The following ULK4 variants were observed in gnomAD, a reference collection of about 807,000 sequenced individuals.
The protein encoded by ULK4 is inactive serine/threonine-protein kinase ULK4.
Under a neutral mutation model 160.6 loss-of-function variants are expected in ULK4, and 133 were observed. That is an observed-to-expected ratio of 0.83 (90% CI 0.72 to 0.96). The LOEUF is 0.96. Among genes scored for constraint, ULK4 ranks in the 40% least tolerant of loss-of-function variants. The probability of loss-of-function intolerance (pLI) is 0.00; values close to 1 mark genes in which losing one functional copy is unlikely to be tolerated. For synonymous variants in ULK4, 534 were observed against 539.8 expected, an observed-to-expected ratio of 0.99 and a Z score of 0.15; for missense variants, 1,580 against 1,499.5, an observed-to-expected ratio of 1.05 and a Z score of -0.89.
intron 30 of ULK4, among the ~76,000 whole-genome samples, chr3:41,647,601 C>G (rs1416031161): frequency 6.6e-6 from 1 of 152,196 alleles, no homozygotes; most frequent in Non-Finnish European, 1.5e-5. Flanking sequence ...CAGTCTGCCC[C>G]TACTCGGGGG....
At chr3:41,704,467 G>C (rs1213743383) in intron 27 of ULK4, among the ~76,000 whole-genome samples, 2 of 152,112 alleles carry the variant, frequency 1.3e-5, no homozygotes, top group Non-Finnish European at 2.9e-5. Flanking sequence ...CCTCTTCTGG[G>C]GACCTTTCTG....
chr3:41,677,762 TA>T lies in ULK4; in HGVS notation c.2978+3745del, dbSNP rs372924448. ...TGATAGACGTTGTGATGGTTAACTT[TA>T]TTTATCAAGTTACTCAATAAGTAGG... On this transcript the variant is annotated intron_variant, in intron 29 of 36. Coordinates refer to ENST00000301831, the MANE Select transcript of ULK4 (RefSeq NM_017886.4). 2.9e-3 allele frequency among the ~76,000 whole-genome samples: 449 copies of T among 152,286 alleles called. 2 individuals carry two copies. The highest frequency in any genetic ancestry group is 0.01 in the African/African-American group (428 of 41,558).
chr3:41,640,316 C>T (rs773961677), intron 30 of ULK4, among the ~76,000 whole-genome samples: 2 of 152,150 alleles, frequency 1.3e-5, no homozygotes, highest in Non-Finnish European at 2.9e-5. Context: ...AATTGAGAAG[C>T]CTGCCACTGC....
Position 41,718,203 on chromosome 3 carries a change from G to A in ULK4, c.2322-342C>T, listed in dbSNP as rs145379646. Among the ~76,000 whole-genome samples the A allele has an allele frequency of 2.0e-5, 3 of 152,264 alleles. No individual in the cohort carries two copies. The East Asian group carries it at 5.8e-4, about 29-fold the overall frequency. ...TCAAAGGTTCAAAGTAAAGCCACAA[G>A]TTAACTGCATATTTGTTTATCATTA... On this transcript the variant is annotated intron_variant, in intron 22 of 36. Coordinates refer to ENST00000301831, the MANE Select transcript of ULK4 (RefSeq NM_017886.4).
intron 35 of ULK4, among the ~76,000 whole-genome samples, chr3:41,328,792 C>A (rs2080386113): frequency 6.6e-6 from 1 of 152,098 alleles, no homozygotes; most frequent in Non-Finnish European, 1.5e-5. Context: ...GGAGAGAAAG[C>A]CCCACGGAGT....
chr3:41,817,759 A>G (rs1288408364), intron 19 of ULK4, among the ~76,000 whole-genome samples: 1 of 152,156 alleles, frequency 6.6e-6, no homozygotes, highest in African/African-American at 2.4e-5. Context: ...TACCCCCTAA[A>G]TCTAAAATAA....
At chr3:41,630,536 G>A (rs1168278346) in intron 30 of ULK4, among the ~76,000 whole-genome samples, 3 of 152,010 alleles carry the variant, frequency 2.0e-5, no homozygotes, top group Non-Finnish European at 4.4e-5. Context: ...CATTTAAAGG[G>A]CTCTTACGAT....
chr3:41,350,931 T>A (rs761376793), intron 35 of ULK4, among the ~76,000 whole-genome samples: 1 of 152,182 alleles, frequency 6.6e-6, no homozygotes, highest in Non-Finnish European at 1.5e-5. Context: ...AAGTAAAGGA[T>A]GTCTCAGAAG....
chr3:41,679,995 C>T (rs1002487341), intron 29 of ULK4, among the ~76,000 whole-genome samples: 10 of 151,876 alleles, frequency 6.6e-5, no homozygotes, highest in Non-Finnish European at 1.2e-4. Flanking sequence ...ACTACAGGCA[C>T]GAGCCACTGA....
intron 2 of ULK4, among the ~76,000 whole-genome samples, chr3:41,949,653 G>A (rs1280122709): frequency 6.7e-6 from 1 of 149,924 alleles, no homozygotes; most frequent in Non-Finnish European, 1.5e-5. Context: ...GGCTGGTCTC[G>A]AACTCCTGAC....
At chr3:41,521,347 T>C (rs1380729285) in intron 32 of ULK4, among the ~76,000 whole-genome samples, 1 of 152,192 alleles carries the variant, frequency 6.6e-6, no homozygotes, top group Non-Finnish European at 1.5e-5. Flanking sequence ...TCATATATGG[T>C]CTCAGGCCTT....
intron 32 of ULK4, among the ~76,000 whole-genome samples, chr3:41,490,265 G>A (rs1251594849): frequency 6.6e-6 from 1 of 152,090 alleles, no homozygotes; most frequent in African/African-American, 2.4e-5. Context: ...ACTGATAAGG[G>A]AGCCTGAGCA....
chr3:41,818,919 C>T (rs2041053656), intron 19 of ULK4, among the ~76,000 whole-genome samples: 1 of 152,216 alleles, frequency 6.6e-6, no homozygotes, highest in Non-Finnish European at 1.5e-5. Context: ...CAGCCATTAA[C>T]AATTGCTTAA....
chr3:41,933,777 T>C (rs1481970647), intron 4 of ULK4, among the ~76,000 whole-genome samples: 1 of 151,928 alleles, frequency 6.6e-6, no homozygotes, highest in Non-Finnish European at 1.5e-5. Flanking sequence ...TAGCCAGGCA[T>C]GGTGGCTCAC....
At chr3:41,850,703 T>A (rs140678309) in intron 17 of ULK4, among the ~76,000 whole-genome samples, 20,101 of 152,176 alleles carry the variant, frequency 0.13, 4,333 homozygotes, top group African/African-American at 0.45. Flanking sequence ...AGATTCTGGA[T>A]ATTAGTCCTT....
chr3:41,777,505 T>C (rs2039671105), intron 21 of ULK4, among the ~76,000 whole-genome samples: 1 of 53,284 alleles, frequency 1.9e-5, no homozygotes, highest in African/African-American at 1.2e-4. Context: ...GTTCTTTTAA[T>C]TGTGATGTTA....
chr3:41,322,917 T>C (rs1490973120), intron 35 of ULK4, among the ~76,000 whole-genome samples: 1 of 152,056 alleles, frequency 6.6e-6, no homozygotes, highest in Non-Finnish European at 1.5e-5. Flanking sequence ...CACAAGTATA[T>C]ATAATAGCCG....
At chr3:41,783,495 C>G (rs1472220877) in intron 21 of ULK4, among the ~76,000 whole-genome samples, 1 of 151,390 alleles carries the variant, frequency 6.6e-6, no homozygotes, top group African/African-American at 2.4e-5. Flanking sequence ...GAGATCATGC[C>G]ACTACGCTCC....
chr3:41,679,942 G>A (rs1336578593), intron 29 of ULK4, among the ~76,000 whole-genome samples: 1 of 152,098 alleles, frequency 6.6e-6, no homozygotes, highest in Admixed American at 6.5e-5. Context: ...TCAAACCCCT[G>A]AGCTCAGACA....
Sources: gnomAD v4.1 joint callset for allele counts (sites outside exome capture counted in the v4.1 genomes callset) on GRCh38, gnomAD v4.1.1 for gene constraint, MANE v1.5 for transcripts, NCBI Gene and HGNC (gene_info 2026-07-23, HGNC 2026-07-21) for gene names.